Variants in CFAP299 observed in about 807,000 individuals in gnomAD.
CFAP299 encodes the protein cilia- and flagella-associated protein 299.
In CFAP299, 21 loss-of-function variants were observed where a neutral mutation model predicts 27.0. The ratio of observed to expected loss-of-function variants is 0.78; its 90% confidence interval spans 0.55 to 1.12. CFAP299 has a LOEUF of 1.12. Ranked by LOEUF, CFAP299 falls within the 50% of genes most tolerant of loss-of-function variation. The pLI is 0.00. For missense variants in CFAP299, 310 were observed against 276.6 expected, an observed-to-expected ratio of 1.12 and a Z score of -0.86; for synonymous variants, 104 against 98.1, an observed-to-expected ratio of 1.06 and a Z score of -0.36.
intron 2 of CFAP299, among the ~76,000 whole-genome samples, chr4:80,381,905 C>A (rs1724717493): frequency 6.6e-6 from 1 of 152,148 alleles, no homozygotes; most frequent in Non-Finnish European, 1.5e-5. Context: ...CTACTATCTT[C>A]CTTCTATCTA....
intron 3 of CFAP299, among the ~76,000 whole-genome samples, chr4:80,769,910 A>T (rs1726113451): frequency 2.0e-5 from 3 of 152,110 alleles, no homozygotes; most frequent in Admixed American, 2.0e-4. Flanking sequence ...GCTTATTATC[A>T]GATATTGATT....
intron 2 of CFAP299, among the ~76,000 whole-genome samples, chr4:80,488,739 G>A (rs1351163678): frequency 6.6e-6 from 1 of 152,190 alleles, no homozygotes; most frequent in Non-Finnish European, 1.5e-5. Flanking sequence ...GCCTCCCAAA[G>A]TGCTGGGATT....
At chr4:80,387,203 A>T in intron 2 of CFAP299, 1 of 1,379,196 alleles carries the variant, frequency 7.3e-7, no homozygotes, top group Non-Finnish European at 1.0e-6. Context: ...GTACTGGTGC[A>T]CGCTCAGGTC....
chr4:80,453,437 C>T (rs1477102884), intron 2 of CFAP299, among the ~76,000 whole-genome samples: 1 of 151,840 alleles, frequency 6.6e-6, no homozygotes, highest in African/African-American at 2.4e-5. Flanking sequence ...GTCTTATAAC[C>T]CCTAATTTAA....
chr4:80,740,553 T>C (rs563735071), intron 3 of CFAP299, among the ~76,000 whole-genome samples: 2 of 152,298 alleles, frequency 1.3e-5, no homozygotes, highest in South Asian at 2.1e-4. Context: ...CCACTGGGAC[T>C]GCACTGGGTC....
At chr4:80,329,779 T>C in the CFAP299 span, among the ~76,000 whole-genome samples, 1 of 152,122 alleles carries the variant, frequency 6.6e-6, no homozygotes, top group Non-Finnish European at 1.5e-5. Flanking sequence ...CGAGCTTTGA[T>C]ATTGTACTCA....
chr4:80,940,640 C>T (rs1737145849), intron 4 of CFAP299, among the ~76,000 whole-genome samples: 1 of 152,136 alleles, frequency 6.6e-6, no homozygotes, highest in Non-Finnish European at 1.5e-5. Flanking sequence ...CATTATCTTG[C>T]TGATGTCCCT....
At chr4:80,662,004 C>G (rs1184400395) in intron 3 of CFAP299, among the ~76,000 whole-genome samples, 1 of 152,156 alleles carries the variant, frequency 6.6e-6, no homozygotes, top group Non-Finnish European at 1.5e-5. Context: ...AAATTTTGGT[C>G]AGACTGGTTG....
At chr4:80,855,213 A>G (rs1465084044) in intron 3 of CFAP299, among the ~76,000 whole-genome samples, 2 of 152,120 alleles carry the variant, frequency 1.3e-5, no homozygotes, top group Admixed American at 1.3e-4. Flanking sequence ...CATATATATT[A>G]TATGCATACA....
At chr4:80,387,582 G>C in intron 2 of CFAP299, 1 of 1,115,340 alleles carries the variant, frequency 9.0e-7, no homozygotes, top group Non-Finnish European at 1.4e-6. Flanking sequence ...TCAGGGCCAA[G>C]ACCTGTACAG....
Position 80,901,544 on chromosome 4 carries a change from T to C in CFAP299, c.476+31409T>C, listed in dbSNP as rs539360516. ...ACTTTGCCACTTTTAAGATGCTTCGTGACCCTTAGGAATTGCCACAGGTGT... is the reference window on the plus strand; with the variant it reads ...ACTTTGCCACTTTTAAGATGCTTCGCGACCCTTAGGAATTGCCACAGGTGT... On this transcript the variant is annotated intron_variant, in intron 4 of 5. Transcript: ENST00000358105. Among the ~76,000 whole-genome samples, 464 of 152,294 alleles carry C rather than the reference T, an allele frequency of 3.0e-3. 2 individuals are homozygous for C. The highest frequency in any genetic ancestry group is 5.5e-3 in the Non-Finnish European group (374 of 68,004).
chr4:80,620,638 T>C (rs996374323), intron 3 of CFAP299, among the ~76,000 whole-genome samples: 13 of 152,150 alleles, frequency 8.5e-5, no homozygotes, highest in Non-Finnish European at 1.5e-5. Context: ...TTCATCATTC[T>C]CATCCCTTGA....
At chr4:80,647,640 G>C (rs571731977) in intron 3 of CFAP299, among the ~76,000 whole-genome samples, 1 of 152,100 alleles carries the variant, frequency 6.6e-6, no homozygotes, top group Non-Finnish European at 1.5e-5. Flanking sequence ...TAGTTGTGGT[G>C]TATGCTAATC....
chr4:80,879,671 G>T (rs929893722), intron 4 of CFAP299, among the ~76,000 whole-genome samples: 1 of 152,080 alleles, frequency 6.6e-6, no homozygotes, highest in South Asian at 2.1e-4. Context: ...AAGAGTGTGA[G>T]TGAAGCAGAT....
chr4:80,630,039 T>A (rs1185314179), intron 3 of CFAP299, among the ~76,000 whole-genome samples: 1 of 152,024 alleles, frequency 6.6e-6, no homozygotes, highest in African/African-American at 2.4e-5. Context: ...AGAAAATTCG[T>A]GAACTGATCA....
At chr4:80,878,428 A>T (rs1347487818) in intron 4 of CFAP299, among the ~76,000 whole-genome samples, 1 of 152,088 alleles carries the variant, frequency 6.6e-6, no homozygotes, top group African/African-American at 2.4e-5. Context: ...TCTCCATTAC[A>T]TATTGCATCA....
intron 4 of CFAP299, among the ~76,000 whole-genome samples, chr4:80,921,429 G>A (rs1183725726): frequency 6.6e-6 from 1 of 151,992 alleles, no homozygotes; most frequent in Non-Finnish European, 1.5e-5. Context: ...TTTAAAGAAT[G>A]TATAGACATT....
intron 2 of CFAP299, among the ~76,000 whole-genome samples, chr4:80,493,837 G>A (rs1731283197): frequency 1.6e-5 from 2 of 127,468 alleles, no homozygotes; most frequent in African/African-American, 3.3e-5. Flanking sequence ...CTGCAGTGGC[G>A]CAATCTCGGC....
intron 3 of CFAP299, among the ~76,000 whole-genome samples, chr4:80,854,404 G>A (rs1325425372): frequency 3.3e-5 from 5 of 150,948 alleles, no homozygotes; most frequent in Admixed American, 2.0e-4. Flanking sequence ...TCAAATACTA[G>A]ATAGTACAGA....
Sources: gnomAD v4.1 joint callset for allele counts (sites outside exome capture counted in the v4.1 genomes callset) on GRCh38, gnomAD v4.1.1 for gene constraint, MANE v1.5 for transcripts, NCBI Gene and HGNC (gene_info 2026-07-23, HGNC 2026-07-21) for gene names.